TNPO1: variants seen among roughly 807,000 people sequenced by gnomAD.
TNPO1 encodes the protein transportin 1, also known as transportin-1.
TNPO1 carries 8 observed loss-of-function variants against 119.5 expected under a neutral mutation model. That is an observed-to-expected ratio of 0.07 (90% CI 0.04 to 0.12). The LOEUF (loss-of-function observed/expected upper bound fraction) is 0.12, where lower values mean the gene tolerates loss of function less well. TNPO1 is among the 10% of genes least tolerant of loss of function. The pLI, the probability that TNPO1 is intolerant of heterozygous loss-of-function variation, is 1.00. For missense variants in TNPO1, 576 were observed against 1,089.8 expected, an observed-to-expected ratio of 0.53 and a Z score of 6.64; for synonymous variants, 362 against 363.0, an observed-to-expected ratio of 1.00 and a Z score of 0.03.
chr5:72,879,026 TTGTTTTATG>T (rs1748035490), intron 9 of TNPO1: 1 of 389,580 alleles, frequency 2.6e-6, no homozygotes, highest in Non-Finnish European at 5.2e-6. Flanking sequence ...GTGTTGTTCT[TTGTTTTATG>T]TACATAAGCA....
chr5:72,832,625 A>G (rs1158065995), intron 1 of TNPO1, among the ~76,000 whole-genome samples: 1 of 152,168 alleles, frequency 6.6e-6, no homozygotes, highest in African/African-American at 2.4e-5. Context: ...TCATAGTGAG[A>G]GTAAATTGCC....
At position 72,889,635 on chromosome 5, in the gene TNPO1, C is replaced by T. The variant is rs1183289701; in HGVS notation, c.1530-151C>T. 6.0e-6 allele frequency: 4 copies of T among 664,476 alleles called. No homozygotes were observed. The Admixed American group carries it at 1.1e-4, about 17-fold the overall frequency. 41.2% of individuals were successfully genotyped at this position (664,476 alleles called of 1,614,324 possible). A position where few individuals can be genotyped will look rare whatever the true frequency, so the allele number is the denominator to read the frequency against. ...ATGGAAGAAATCGGTAAATAATTCA[C>T]AGTGCTGATGACCAGGGCTTTCATT... On this transcript the variant is annotated intron_variant, in intron 13 of 24. Coordinates refer to ENST00000337273, the MANE Select transcript of TNPO1 (RefSeq NM_002270.4).
At chr5:72,858,442 C>G (rs1226767249) in intron 4 of TNPO1, among the ~76,000 whole-genome samples, 1 of 152,106 alleles carries the variant, frequency 6.6e-6, no homozygotes, top group African/African-American at 2.4e-5. Flanking sequence ...TCACACCCAC[C>G]TCCACCCCAC....
At chr5:72,873,422 G>T (rs983302173) in intron 7 of TNPO1, among the ~76,000 whole-genome samples, 1 of 152,072 alleles carries the variant, frequency 6.6e-6, no homozygotes, top group African/African-American at 2.4e-5. Context: ...GGAAGAGTAG[G>T]GGGGGTTACG....
rs1750454109 is a variant in TNPO1, at chr5:72,910,058, A to G, written c.*1385A>G. Reference sequence around the variant, plus strand: ...TATATTTCAATGTTTATTCCCACTCAACATACTGCCTTCTAAGCTTCCCTT... The same window carrying G: ...TATATTTCAATGTTTATTCCCACTCGACATACTGCCTTCTAAGCTTCCCTT... On this transcript the variant is annotated 3_prime_UTR_variant, in exon 25 of 25. Coordinates refer to ENST00000337273, the MANE Select transcript of TNPO1 (RefSeq NM_002270.4). The G allele has an allele frequency of 1.3e-5, 2 of 152,640 alleles. No individual in the cohort carries two copies. The highest frequency in any genetic ancestry group is 1.9e-4 in the East Asian group (1 of 5,204). 9.5% of individuals were successfully genotyped at this position (152,640 alleles called of 1,614,324 possible).
chr5:72,854,638 G>A (rs1400900548), intron 3 of TNPO1, among the ~76,000 whole-genome samples: 1 of 152,164 alleles, frequency 6.6e-6, no homozygotes, highest in Non-Finnish European at 1.5e-5. Flanking sequence ...TAAGTGCAGT[G>A]CCACTTGGAA....
Position 72,893,168 on chromosome 5 carries a change from G to A in TNPO1, c.1818G>A (p.Gln606=). ...TATCTTCAGTTGCCACAGCACTGCAGTCTGGATTCCTTCCGTACTGTGAAC... is the reference window on the plus strand; with the variant it reads ...TATCTTCAGTTGCCACAGCACTGCAATCTGGATTCCTTCCGTACTGTGAAC... ...ECLSSVATAL[Q]SGFLPYCEPV... The change falls in exon 16 of 25, where the codon CAG becomes CAA. Residue 606 remains glutamine, a synonymous_variant. Coordinates refer to ENST00000337273, the MANE Select transcript of TNPO1 (RefSeq NM_002270.4). 1 of 1,614,144 alleles carries A rather than the reference G, an allele frequency of 6.2e-7. No individual in the cohort carries two copies. Among genetic ancestry groups the A allele is most frequent in the Non-Finnish European group, 8.5e-7 (1 of 1,180,000 alleles).
chr5:72,887,275 G>T, intron 12 of TNPO1, 53 bp downstream of exon 12: 1 of 1,131,968 alleles, frequency 8.8e-7, no homozygotes, highest in Non-Finnish European at 1.2e-6. Flanking sequence ...CTACTATTAG[G>T]TACTAATAAG....
At chr5:72,845,960 T>C (rs984461594) in intron 1 of TNPO1, among the ~76,000 whole-genome samples, 3 of 152,152 alleles carry the variant, frequency 2.0e-5, no homozygotes, top group Non-Finnish European at 4.4e-5. Flanking sequence ...CTAATATTAC[T>C]AAGGCTCAGA....
At chr5:72,893,099 A>G (rs1749183779) in intron 15 of TNPO1, 40 bp from the exon 16 acceptor site, 4 of 1,480,076 alleles carry the variant, frequency 2.7e-6, no homozygotes, top group Non-Finnish European at 3.7e-6. Context: ...AATCTTCAGT[A>G]TACCCAGAAA....
chr5:72,848,554 AGCCCCCGGCGGCCGGGG>A (rs1455255478), intron 2 of TNPO1, 56 bp downstream of exon 2: 1 of 1,171,974 alleles, frequency 8.5e-7, no homozygotes, highest in Non-Finnish European at 1.1e-6. Flanking sequence ...GCTGCGGCCC[AGCCCCCGGCGGCCGGGG>A]GCTCCCGTCG....
chr5:72,837,438 G>A (rs573399809), intron 1 of TNPO1, among the ~76,000 whole-genome samples: 6 of 152,276 alleles, frequency 3.9e-5, no homozygotes, highest in East Asian at 1.9e-4. Context: ...TTCCATTCAC[G>A]AGGGCAGAGC....
chr5:72,816,693 G>A lies in TNPO1; in HGVS notation c.-45G>A, dbSNP rs1428897644. The A allele has an allele frequency of 6.5e-7, 1 of 1,548,888 alleles. No homozygotes were observed. The highest frequency in any genetic ancestry group is 8.7e-7 in the Non-Finnish European group (1 of 1,149,166). ...AGCCATTTCAGGCCCCGGACAGGAG[G>A]CAGTGCCGCTTCGGCCGAAGGCCCG... On this transcript the variant is annotated 5_prime_UTR_variant, in exon 1 of 25. Transcript: ENST00000337273.
At chr5:72,830,805 T>G (rs1218782840) in intron 1 of TNPO1, among the ~76,000 whole-genome samples, 1 of 152,178 alleles carries the variant, frequency 6.6e-6, no homozygotes, top group Non-Finnish European at 1.5e-5. Flanking sequence ...TAGGACAAGT[T>G]TATAATAAAT....
intron 11 of TNPO1, among the ~76,000 whole-genome samples, chr5:72,884,344 T>G (rs1748466451): frequency 6.6e-6 from 1 of 152,210 alleles, no homozygotes; most frequent in South Asian, 2.1e-4. Context: ...ATTCTTAAAC[T>G]ACCATTTCTC....
At chr5:72,859,510 A>G (rs1390354848) in intron 4 of TNPO1, among the ~76,000 whole-genome samples, 1 of 152,242 alleles carries the variant, frequency 6.6e-6, no homozygotes, top group East Asian at 1.9e-4. Context: ...GATTATAAAA[A>G]TAGACTAGCA....
intron 2 of TNPO1, among the ~76,000 whole-genome samples, chr5:72,850,613 C>T (rs559397202): frequency 4.1e-4 from 62 of 152,304 alleles, no homozygotes; most frequent in Admixed American, 5.9e-4. Flanking sequence ...TCACAGCTGC[C>T]TCCCGACAGC....
chr5:72,823,742 C>T lies in TNPO1; in HGVS notation c.15+6990C>T, dbSNP rs143289123. Among the ~76,000 whole-genome samples the T allele has an allele frequency of 4.0e-3, 610 of 152,260 alleles. 5 individuals are homozygous for T. Among genetic ancestry groups the T allele is most frequent in the African/African-American group, 0.014 (592 of 41,544 alleles). On this transcript the variant is annotated intron_variant, in intron 1 of 24. Coordinates refer to ENST00000337273, the MANE Select transcript of TNPO1 (RefSeq NM_002270.4). ...AAACCAGAGCTCTAGTTAAAACAAA[C>T]TCTGGGGTTTTTTTTGCACTTGCCC...
chr5:72,873,778 T>A (rs1440686063), intron 7 of TNPO1, among the ~76,000 whole-genome samples: 1 of 152,128 alleles, frequency 6.6e-6, no homozygotes, highest in Non-Finnish European at 1.5e-5. Flanking sequence ...ATGTTTTCTT[T>A]ATATCATCTG....
Sources: gnomAD v4.1 joint callset for allele counts (sites outside exome capture counted in the v4.1 genomes callset) on GRCh38, gnomAD v4.1.1 for gene constraint, MANE v1.5 for transcripts, NCBI Gene and HGNC (gene_info 2026-07-23, HGNC 2026-07-21) for gene names.